PREX2: variants seen among roughly 807,000 people sequenced by gnomAD.
PREX2 encodes phosphatidylinositol-3,4,5-trisphosphate dependent Rac exchange factor 2.
A neutral mutation model predicts 203.2 loss-of-function variants in PREX2; 107 were observed. The ratio of observed to expected loss-of-function variants is 0.53; its 90% confidence interval spans 0.45 to 0.62. PREX2 has a LOEUF of 0.62. PREX2 is among the 20% of genes least tolerant of loss of function. The probability of loss-of-function intolerance (pLI) is 0.00; values close to 1 mark genes in which losing one functional copy is unlikely to be tolerated. For missense variants in PREX2, 1,777 were observed against 1,955.9 expected, an observed-to-expected ratio of 0.91 and a Z score of 1.72; for synonymous variants, 672 against 663.6, an observed-to-expected ratio of 1.01 and a Z score of -0.19.
chr8:67,964,306 C>T (rs1045667135), intron 1 of PREX2, among the ~76,000 whole-genome samples: 11 of 152,196 alleles, frequency 7.2e-5, no homozygotes, highest in Admixed American at 2.0e-4. Context: ...CTGGGAAATA[C>T]GCTGACTGGC....
At chr8:68,050,726 G>A (rs4737886) in intron 8 of PREX2, among the ~76,000 whole-genome samples, 110,188 of 152,088 alleles carry the variant, frequency 0.72, 41,154 homozygotes, top group African/African-American at 0.92. Context: ...TTCCAAAAGA[G>A]ATTTGTATGC....
At chr8:68,202,083 G>T (rs533010004) in intron 37 of PREX2, among the ~76,000 whole-genome samples, 2 of 150,578 alleles carry the variant, frequency 1.3e-5, no homozygotes, top group African/African-American at 2.5e-5. Flanking sequence ...TGTATTTTTC[G>T]TAGAGACAGG....
intron 15 of PREX2, among the ~76,000 whole-genome samples, chr8:68,078,018 G>A (rs55699804): frequency 0.53 from 81,156 of 151,722 alleles, 21,698 homozygotes; most frequent in South Asian, 0.56. Flanking sequence ...ACCTCTTTCT[G>A]CTGTGCCCTG....
chr8:68,104,247 C>T (rs570358593), intron 23 of PREX2, among the ~76,000 whole-genome samples: 128 of 152,304 alleles, frequency 8.4e-4, no homozygotes, highest in Middle Eastern at 3.4e-3. Context: ...TTGCTGCTAC[C>T]GACCAACCCA....
intron 35 of PREX2, among the ~76,000 whole-genome samples, chr8:68,173,668 C>T (rs1811923373): frequency 6.6e-6 from 1 of 152,028 alleles, no homozygotes; most frequent in Non-Finnish European, 1.5e-5. Context: ...GAATTGTTTA[C>T]CTATGGGTTT....
intron 3 of PREX2, among the ~76,000 whole-genome samples, chr8:68,020,365 C>T (rs928721927): frequency 3.4e-5 from 5 of 148,374 alleles, no homozygotes; most frequent in African/African-American, 5.0e-5. Context: ...TATGCTGCTA[C>T]GTATACCGTT....
intron 1 of PREX2, among the ~76,000 whole-genome samples, chr8:67,997,169 A>G (rs751562119): frequency 2.6e-5 from 4 of 152,050 alleles, no homozygotes; most frequent in Non-Finnish European, 5.9e-5. Flanking sequence ...GATGGGAAAA[A>G]CTGCAATTAC....
rs766530991 is a variant in PREX2 at position 68,119,536 on chromosome 8, G to C, written c.3504+22G>C. 5 of 1,563,370 alleles carry C rather than the reference G, an allele frequency of 3.2e-6. No individual in the cohort carries two copies. The Admixed American group carries it at 8.4e-5, about 26-fold the overall frequency. On this transcript the variant is annotated intron_variant, in intron 28 of 39. Coordinates refer to ENST00000288368, the MANE Select transcript of PREX2 (RefSeq NM_024870.4). Reference sequence around the variant, plus strand: ...CCAGGTACAATCGGGCATTTGTGGGGCTTTTGTTCCACAACTAAACTGTGA... The same window carrying C: ...CCAGGTACAATCGGGCATTTGTGGGCCTTTTGTTCCACAACTAAACTGTGA...
rs1318478577 is a variant in PREX2 at position 68,109,403 on chromosome 8, T to C, written c.2939-13T>C. On this transcript the variant is annotated splice_polypyrimidine_tract_variant and intron_variant, in intron 24 of 39. Coordinates refer to ENST00000288368, the MANE Select transcript of PREX2 (RefSeq NM_024870.4). Reference sequence around the variant, plus strand: ...GTGATACATATTACTAAGGAATGACTTTAATTCCTCAGGGAAACTGAGCCC... The same window carrying C: ...GTGATACATATTACTAAGGAATGACCTTAATTCCTCAGGGAAACTGAGCCC... 3 of 1,603,054 alleles carry C rather than the reference T, an allele frequency of 1.9e-6. No individual in the cohort carries two copies. The Admixed American group carries it at 5.1e-5, about 27-fold the overall frequency.
At position 68,044,574 on chromosome 8, in the gene PREX2, T is replaced by C. The variant is rs763128956; in HGVS notation, c.927T>C (p.Asn309=). ...ACACGGAGGTGATGGAAGTGGAGAA[T>C]GTGGATGATGGCACCGGTAAGTGAT... ...RINTEVMEVE[N]VDDGTADFHS... The change falls in exon 8 of 40, where the codon AAT becomes AAC. Residue 309 remains asparagine, a synonymous_variant. Coordinates refer to ENST00000288368, the MANE Select transcript of PREX2 (RefSeq NM_024870.4). 8.1e-6 allele frequency: 13 copies of C among 1,611,948 alleles called. 1 individual carries two copies. In the South Asian group the frequency reaches 1.4e-4, roughly 18 times the overall value.
Position 68,090,801 on chromosome 8 carries a change from T to C in PREX2, c.2250+86T>C, listed in dbSNP as rs566241133. The C allele has an allele frequency of 1.0e-3, 1,203 of 1,163,248 alleles. 23 individuals carry two copies. In the South Asian group the frequency reaches 0.02, roughly 20 times the overall value. The allele number at this position is 1,163,248 out of a possible 1,614,324, so 72.1% of individuals were successfully genotyped here. A position where few individuals can be genotyped will look rare whatever the true frequency, so the allele number is the denominator to read the frequency against. On this transcript the variant is annotated intron_variant, in intron 20 of 39. Coordinates refer to ENST00000288368, the MANE Select transcript of PREX2 (RefSeq NM_024870.4). ...TGAGGTGGGATAGTGCCAGAGATATTTGTGGTTTCCAATTTTAAGTTTAAA... is the reference window on the plus strand; with the variant it reads ...TGAGGTGGGATAGTGCCAGAGATATCTGTGGTTTCCAATTTTAAGTTTAAA...
intron 8 of PREX2, among the ~76,000 whole-genome samples, chr8:68,046,325 A>G (rs890176795): frequency 3.3e-5 from 5 of 152,070 alleles, no homozygotes; most frequent in African/African-American, 1.2e-4. Context: ...CAGCTGGAGA[A>G]CTAGATAAAG....
intron 1 of PREX2, among the ~76,000 whole-genome samples, chr8:67,969,806 AT>A (rs1213630794): frequency 7.9e-5 from 12 of 152,130 alleles, no homozygotes; most frequent in Non-Finnish European, 1.6e-4. Flanking sequence ...GAGTGGGTTC[AT>A]TTTGCTACCG....
chr8:68,196,478 CATAT>C (rs533436022), intron 37 of PREX2, among the ~76,000 whole-genome samples: 1 of 145,078 alleles, frequency 6.9e-6, no homozygotes, highest in Non-Finnish European at 1.5e-5. Context: ...TATATATGTA[CATAT>C]ATATATATGT....
rs2129612339 is a variant in PREX2, at chr8:68,093,650, G to A, written c.2296G>A (p.Glu766Lys). The stretch of plus-strand genomic sequence containing the variant: ...TTATAATAGCATTGAGAGTGCTCAA[G>A]AAGACCTTCAAAAATCTCACTCCAA... ...WVYNSIESAQ[E>K]DLQKSHSKPP... The change falls in exon 21 of 40, where the codon GAA (glutamate) becomes AAA (lysine). Residue 766 changes from glutamate to lysine, a missense_variant. By Grantham distance (56) the Glu-to-Lys change is moderately conservative. Coordinates refer to ENST00000288368, the MANE Select transcript of PREX2 (RefSeq NM_024870.4). 2.5e-6 allele frequency: 4 copies of A among 1,611,804 alleles called. No individual in the cohort carries two copies. The highest frequency in any genetic ancestry group is 3.4e-6 in the Non-Finnish European group (4 of 1,178,098).
chr8:68,036,614 A>G (rs1808040442), intron 6 of PREX2, among the ~76,000 whole-genome samples: 1 of 152,090 alleles, frequency 6.6e-6, no homozygotes, highest in Non-Finnish European at 1.5e-5. Flanking sequence ...TTTTCTCCAA[A>G]TCTTCATTTG....
chr8:68,098,936 G>GTATATATATATA (rs1353078022), intron 22 of PREX2, among the ~76,000 whole-genome samples: 2 of 74,836 alleles, frequency 2.7e-5, no homozygotes, highest in African/African-American at 5.0e-5. Flanking sequence ...ACATATATAT[G>GTATATATATATA]TGTATATATA....
chr8:68,194,382 G>A lies in PREX2; in HGVS notation c.4604+1857G>A, dbSNP rs560955595. ...GAATTCAAAGGAATAAAGGAAGATA[G>A]GGTAGAGAAAAGATAGGCAGATTGA... On this transcript the variant is annotated intron_variant, in intron 37 of 39. Transcript: ENST00000288368. 8.5e-5 allele frequency among the ~76,000 whole-genome samples: 13 copies of A among 152,276 alleles called. No homozygotes were observed. The South Asian group carries it at 2.7e-3, about 32-fold the overall frequency.
chr8:68,099,958 G>A (rs1468988135), intron 23 of PREX2, 115 bp downstream of exon 23: 1 of 950,692 alleles, frequency 1.1e-6, no homozygotes, highest in South Asian at 1.3e-5. Flanking sequence ...ATTTTACTGA[G>A]ATGATAACAT....
Sources: gnomAD v4.1 joint callset for allele counts (sites outside exome capture counted in the v4.1 genomes callset) on GRCh38, gnomAD v4.1.1 for gene constraint, MANE v1.5 for transcripts, NCBI Gene and HGNC (gene_info 2026-07-23, HGNC 2026-07-21) for gene names.